The following INPP5B variants were observed in gnomAD, a reference collection of about 807,000 sequenced individuals.
INPP5B encodes inositol polyphosphate-5-phosphatase B.
Under a neutral mutation model 118.5 loss-of-function variants are expected in INPP5B, and 90 were observed. The observed-to-expected ratio is 0.76, with a 90% CI of 0.64 to 0.90. The LOEUF is 0.90. Among genes scored for constraint, INPP5B ranks in the 40% least tolerant of loss-of-function variants. INPP5B has a pLI of 0.00. For missense variants in INPP5B, 984 were observed against 1,125.6 expected, an observed-to-expected ratio of 0.87 and a Z score of 1.80; for synonymous variants, 385 against 418.9, an observed-to-expected ratio of 0.92 and a Z score of 0.99.
intron 7 of INPP5B, among the ~76,000 whole-genome samples, chr1:37,913,326 T>C (rs1051661328): frequency 2.0e-5 from 3 of 148,776 alleles, no homozygotes; most frequent in African/African-American, 7.3e-5. Flanking sequence ...TAAATCAATC[T>C]GGCCTGGTAT....
chr1:37,887,280 A>T, intron 11 of INPP5B, 71 bp downstream of exon 11: 1 of 959,218 alleles, frequency 1.0e-6, no homozygotes, highest in Non-Finnish European at 1.6e-6. Flanking sequence ...GTCATGGAAA[A>T]GGTGAAAAAT....
intron 3 of INPP5B, among the ~76,000 whole-genome samples, chr1:37,944,450 G>T (rs533428430): frequency 7.2e-5 from 11 of 151,966 alleles, no homozygotes; most frequent in Admixed American, 2.0e-4. Context: ...AGAGATAGGG[G>T]TCTCACTATA....
rs1004373645 is a variant in INPP5B at position 37,907,109 on chromosome 1, G to A, written c.533-15655C>T. On this transcript the variant is annotated intron_variant, in intron 7 of 23. Transcript: ENST00000373024. The surrounding 1 kb of genome is among the most constrained non-coding windows in gnomAD (Gnocchi z 4.3). ...CCATATCAGCTTGGTTCCAACAGTT[G>A]CCCAGTTCATGAAAAGCCTTCTAAT... Among the ~76,000 whole-genome samples, 3 of 152,138 alleles carry A rather than the reference G, an allele frequency of 2.0e-5. No homozygotes were observed. The highest frequency in any genetic ancestry group is 7.2e-5 in the African/African-American group (3 of 41,432).
intron 7 of INPP5B, among the ~76,000 whole-genome samples, chr1:37,898,461 C>G (rs866488830): frequency 6.6e-6 from 1 of 151,930 alleles, no homozygotes; most frequent in Non-Finnish European, 1.5e-5. Context: ...TTTGGGAGGC[C>G]GAGGCGGGTG....
At chr1:37,936,876 A>G (rs1387382679) in intron 6 of INPP5B, among the ~76,000 whole-genome samples, 2 of 151,760 alleles carry the variant, frequency 1.3e-5, no homozygotes, top group Non-Finnish European at 2.9e-5. Flanking sequence ...CTGGAGTAGA[A>G]CTATATAATC....
At chr1:37,906,969 C>T (rs544373096) in intron 7 of INPP5B, among the ~76,000 whole-genome samples, 1 of 152,058 alleles carries the variant, frequency 6.6e-6, no homozygotes, top group East Asian at 1.9e-4. Context: ...CTACTTATTT[C>T]TATTAACCAA....
rs1325299437 is a variant in INPP5B, at chr1:37,865,812, G to A, written c.2463C>T (p.Ser821=). 2.5e-6 allele frequency: 4 copies of A among 1,613,818 alleles called. No homozygotes were observed. The highest frequency in any genetic ancestry group is 3.4e-6 in the Non-Finnish European group (4 of 1,179,782). ...AACACTCCAAGCAGTTATGGTAGGTGCTGTAACAGATGACAGGCTCTGGAA... is the reference window on the plus strand; with the variant it reads ...AACACTCCAAGCAGTTATGGTAGGTACTGTAACAGATGACAGGCTCTGGAA... ...ESLPEPVICY[S]TYHNCLECSG... is the part of the protein sequence containing the mutation. Residue 821 remains serine, a synonymous_variant, in exon 22 of 24, where the codon AGC becomes AGT. Transcript: ENST00000373024.
chr1:37,917,323 T>C (rs958034476), intron 7 of INPP5B, among the ~76,000 whole-genome samples: 1 of 129,064 alleles, frequency 7.7e-6, no homozygotes, highest in East Asian at 2.3e-4. Context: ...TATATATATA[T>C]ATATATATAT....
In INPP5B at chr1:37,887,346, C is replaced by G; in HGVS notation, c.1014+5G>C. ...AAATTAAGAGGTCCCTGACTCCTCT[C>G]TTACCTTTGCATATTTGGCATCTGG... is the stretch of plus-strand genomic sequence containing the variant. On this transcript the variant is annotated splice_donor_5th_base_variant and intron_variant, in intron 11 of 23. Transcript: ENST00000373024. 2.6e-6 allele frequency: 4 copies of G among 1,552,672 alleles called. No individual in the cohort carries two copies. The highest frequency in any genetic ancestry group is 3.5e-6 in the Non-Finnish European group (4 of 1,127,598).
chr1:37,909,344 A>G (rs1644607339), intron 7 of INPP5B, among the ~76,000 whole-genome samples: 1 of 151,734 alleles, frequency 6.6e-6, no homozygotes, highest in Non-Finnish European at 1.5e-5. Flanking sequence ...AGGCCGAGCC[A>G]GCTCCCAACT....
intron 7 of INPP5B, chr1:37,930,193 G>A (rs900991653): frequency 6.6e-6 from 1 of 152,224 alleles, no homozygotes; most frequent in African/African-American, 2.4e-5. Flanking sequence ...AAGTGGCTGG[G>A]ACTACAGGTA....
chr1:37,917,163 C>T (rs1644894165), intron 7 of INPP5B, among the ~76,000 whole-genome samples: 1 of 149,214 alleles, frequency 6.7e-6, no homozygotes, highest in African/African-American at 2.5e-5. Context: ...GTGGTGGGCG[C>T]CGATAATCCC....
chr1:37,908,024 C>T (rs1030357718), intron 7 of INPP5B, among the ~76,000 whole-genome samples: 1 of 152,050 alleles, frequency 6.6e-6, no homozygotes, highest in African/African-American at 2.4e-5. Flanking sequence ...AATATTCTCC[C>T]CCGCCCTTAA....
At position 37,909,744 on chromosome 1, in the gene INPP5B, A is replaced by AC. The variant is rs1419026103; in HGVS notation, c.533-18291dup. 2.0e-5 allele frequency among the ~76,000 whole-genome samples: 3 copies of AC among 152,136 alleles called. 1 individual carries two copies. Among genetic ancestry groups the AC allele is most frequent in the Middle Eastern group, 6.8e-3 (2 of 294 alleles). ...TCCAAAAATTAGATTCTGGCCTTCA[A>AC]CCCCCCAACAGTACTTAATTGACCT... On this transcript the variant is annotated intron_variant, in intron 7 of 23. Transcript: ENST00000373024.
rs765024764 is a variant in INPP5B, at chr1:37,931,951, G to A, written c.494C>T (p.Ala165Val). ...CGCGTACCCTGGCCAGGTAACTAGG[G>A]CCGAGTTACAACCGCGCGGCGTTGG... ...EMPTPRGCNS[A>V]LVTWPGYATI... The change falls in exon 7 of 24, where the codon GCC (alanine) becomes GTC (valine). Residue 165 changes from alanine (A) to valine (V), a missense_variant. Physicochemically the swap from Ala to Val is moderately conservative, Grantham distance 64. Around this residue, in one of 2 missense-constraint regions of INPP5B, gnomAD observed 350 missense variants for 334.6 expected, o/e 1.05. Transcript: ENST00000373024. The A allele has an allele frequency of 3.7e-6, 6 of 1,613,932 alleles. No homozygotes were observed. In the South Asian group the frequency reaches 5.5e-5, roughly 15 times the overall value.
intron 7 of INPP5B, chr1:37,930,600 T>C (rs2148660747): frequency 6.6e-6 from 1 of 152,386 alleles, no homozygotes; most frequent in Middle Eastern, 3.4e-3. Context: ...ACTCTAGTGA[T>C]AGTGAACTCT....
chr1:37,866,499 A>G lies in INPP5B; in HGVS notation c.2346T>C (p.His782=). ...TTCCAGTATCCAAGCAGTCCCTGAT[A>G]TGTTCAAATTCTGACCTCAGGCCTG... ...QQPGLRSEFE[H]IRDCLDTGMI... Residue 782 remains histidine, a synonymous_variant, in exon 21 of 24, where the codon CAT becomes CAC. Coordinates refer to ENST00000373024, the MANE Select transcript of INPP5B (RefSeq NM_005540.3). 6.2e-7 allele frequency: 1 copy of G among 1,610,692 alleles called. No homozygotes were observed. The highest frequency in any genetic ancestry group is 8.5e-7 in the Non-Finnish European group (1 of 1,177,016).
In INPP5B at chr1:37,908,288, A is replaced by AC. The variant is rs554514139; in HGVS notation, c.533-16835dup. Reference sequence around the variant, plus strand: ...TCACTCCGTGACCTCAGGTCCTCAGACCAACCAGCCCAAGGAACATCTCAC... The same window carrying AC: ...TCACTCCGTGACCTCAGGTCCTCAGACCCAACCAGCCCAAGGAACATCTCAC... On this transcript the variant is annotated intron_variant, in intron 7 of 23. Coordinates refer to ENST00000373024, the MANE Select transcript of INPP5B (RefSeq NM_005540.3). Among the ~76,000 whole-genome samples the AC allele has an allele frequency of 5.0e-3, 765 of 152,228 alleles. 3 individuals are homozygous for AC. Among genetic ancestry groups the AC allele is most frequent in the Non-Finnish European group, 9.4e-3 (636 of 67,992 alleles).
intron 6 of INPP5B, among the ~76,000 whole-genome samples, chr1:37,932,510 A>G (rs557158621): frequency 5.2e-4 from 79 of 151,952 alleles, no homozygotes; most frequent in African/African-American, 1.9e-3. Flanking sequence ...CTGGGACTAC[A>G]GGCACGTGTC....
Sources: allele counts gnomAD v4.1 joint callset (sites outside exome capture counted in the v4.1 genomes callset), GRCh38; gene constraint gnomAD v4.1.1; regional missense constraint gnomAD v4.1.1; non-coding constraint Gnocchi (gnomAD v3.1); transcripts MANE v1.5; gene names NCBI Gene and HGNC (gene_info 2026-07-23, HGNC 2026-07-21).